Variants in MFHAS1 observed in about 807,000 individuals in gnomAD.
The protein encoded by MFHAS1 is multifunctional ROCO family signaling regulator 1, also known as malignant fibrous histiocytoma-amplified sequence 1.
Under a neutral mutation model 70.4 loss-of-function variants are expected in MFHAS1, and 50 were observed. The ratio of observed to expected loss-of-function variants is 0.71; its 90% CI spans 0.57 to 0.90. The LOEUF is 0.90. Among genes scored for constraint, MFHAS1 ranks in the 40% least tolerant of loss-of-function variants. MFHAS1 has a pLI of 0.00. For missense variants in MFHAS1, 1,795 were observed against 1,347.6 expected, an observed-to-expected ratio of 1.33 and a Z score of -5.20; for synonymous variants, 952 against 620.0, an observed-to-expected ratio of 1.54 and a Z score of -7.96.
intron 2 of MFHAS1, 132 bp downstream of exon 2, chr8:8,797,230 CAGA>C: frequency 1.1e-6 from 1 of 890,436 alleles, no homozygotes; most frequent in Admixed American, 3.2e-5. Context: ...TGATGTCATC[CAGA>C]AGAATTATGT....
At chr8:8,825,250 G>A (rs1035046722) in intron 1 of MFHAS1, among the ~76,000 whole-genome samples, 1 of 152,186 alleles carries the variant, frequency 6.6e-6, no homozygotes, top group African/African-American at 2.4e-5. Context: ...TCTGCTCACT[G>A]CAACCTCCGC....
rs1001738406 is a variant in MFHAS1 at position 8,807,488 on chromosome 8, C to T, written c.2999-9997G>A. On this transcript the variant is annotated intron_variant, in intron 1 of 2. Coordinates refer to ENST00000276282, the MANE Select transcript of MFHAS1 (RefSeq NM_004225.3). ...GAAAAAGCGTATAGCTTCTGTATCC[C>T]ACTGTGATTCCCTTTGAATGTTAAT... is the stretch of plus-strand genomic sequence containing the variant. Among the ~76,000 whole-genome samples the T allele has an allele frequency of 1.2e-4, 19 of 152,264 alleles. 1 individual carries two copies. Among genetic ancestry groups the T allele is most frequent in the African/African-American group, 3.6e-4 (15 of 41,544 alleles).
At chr8:8,889,723 G>A (rs149706849) in intron 1 of MFHAS1, among the ~76,000 whole-genome samples, 4 of 152,290 alleles carry the variant, frequency 2.6e-5, no homozygotes, top group Non-Finnish European at 5.9e-5. Flanking sequence ...GCTAACATCG[G>A]ACACTGTCCA....
chr8:8,793,808 C>T (rs182443790), intron 2 of MFHAS1, among the ~76,000 whole-genome samples: 34 of 152,362 alleles, frequency 2.2e-4, no homozygotes, highest in African/African-American at 7.7e-4. Context: ...ACACGTTAGA[C>T]TCATCTGGGT....
intron 1 of MFHAS1, among the ~76,000 whole-genome samples, chr8:8,863,178 AATCT>A (rs1364689307): frequency 1.1e-4 from 16 of 152,292 alleles, no homozygotes; most frequent in African/African-American, 3.8e-4. Context: ...CTGTTCCATC[AATCT>A]ATCTGTTTAT....
At chr8:8,877,997 C>T (rs561214455) in intron 1 of MFHAS1, among the ~76,000 whole-genome samples, 57 of 152,168 alleles carry the variant, frequency 3.7e-4, no homozygotes, top group Admixed American at 6.5e-4. Flanking sequence ...ACTTGAAATG[C>T]TCCACCCACC....
intron 1 of MFHAS1, among the ~76,000 whole-genome samples, chr8:8,842,634 A>G (rs556199029): frequency 6.6e-6 from 1 of 152,324 alleles, no homozygotes; most frequent in South Asian, 2.1e-4. Flanking sequence ...CAGCACCGGC[A>G]TCACCCAGGA....
chr8:8,890,989 G>A lies in MFHAS1; in HGVS notation c.2070C>T (p.Gly690=). ...WLSWWDSARL[G]LQAGLTEDRL... ...GGTCCTCGGTCAGACCCGCCTGCAG[G>A]CCCAAGCGCGCCGAGTCCCACCAGC... Residue 690 remains glycine (G), a synonymous_variant, in exon 1 of 3, where the codon GGC becomes GGT. Coordinates refer to ENST00000276282, the MANE Select transcript of MFHAS1 (RefSeq NM_004225.3). 1 of 1,613,940 alleles carries A rather than the reference G, an allele frequency of 6.2e-7. No individual in the cohort carries two copies. The highest frequency in any genetic ancestry group is 8.5e-7 in the Non-Finnish European group (1 of 1,179,986).
chr8:8,827,921 A>G (rs999477706), intron 1 of MFHAS1, among the ~76,000 whole-genome samples: 18 of 151,662 alleles, frequency 1.2e-4, no homozygotes, highest in Admixed American at 1.2e-3. Flanking sequence ...TTTTTAAGAG[A>G]CTTTCTTTGT....
At chr8:8,835,041 A>G (rs1169170859) in intron 1 of MFHAS1, among the ~76,000 whole-genome samples, 2 of 152,168 alleles carry the variant, frequency 1.3e-5, no homozygotes, top group Non-Finnish European at 2.9e-5. Flanking sequence ...AAACCTCTAA[A>G]CCAGACACAA....
chr8:8,864,140 G>C (rs1808772280), intron 1 of MFHAS1, among the ~76,000 whole-genome samples: 1 of 152,194 alleles, frequency 6.6e-6, no homozygotes, highest in Non-Finnish European at 1.5e-5. Flanking sequence ...CCCGATTAAA[G>C]CCTTCTTCCC....
In MFHAS1 at chr8:8,880,702, C is replaced by CCG. The variant is rs1382639657; in HGVS notation, c.2998+9358_2998+9359insCG. On this transcript the variant is annotated intron_variant, in intron 1 of 2. Coordinates refer to ENST00000276282, the MANE Select transcript of MFHAS1 (RefSeq NM_004225.3). Reference sequence around the variant, plus strand: ...CTTTTTTGTTTTTTTTTTTTTTCCCCCAGATGGAGTCTTGTTTTGTCGCCC... The same window carrying CCG: ...CTTTTTTGTTTTTTTTTTTTTTCCCCCGCAGATGGAGTCTTGTTTTGTCGCCC... Among the ~76,000 whole-genome samples the CCG allele has an allele frequency of 4.7e-5, 7 of 150,466 alleles. No homozygotes were observed. In the East Asian group the frequency reaches 1.2e-3, roughly 25 times the overall value.
intron 1 of MFHAS1, among the ~76,000 whole-genome samples, chr8:8,876,722 G>C (rs1030172992): frequency 1.3e-5 from 2 of 151,826 alleles, no homozygotes; most frequent in African/African-American, 2.4e-5. Flanking sequence ...AAGAGCATAA[G>C]GTGTTCATAT....
chr8:8,891,275 T>A lies in MFHAS1; in HGVS notation c.1784A>T (p.Tyr595Phe), dbSNP rs140782884. ...AAGGTTCTTGTCCGAAACGCCATAG[T>A]AGGCTGCGTGGGGGCTGGCAGAGCG... ...ELRSASPHAAYYGVSDKNLRR... is the reference protein window; with the variant it reads ...ELRSASPHAAFYGVSDKNLRR... Residue 595 changes from tyrosine (Y) to phenylalanine (F), a missense_variant, in exon 1 of 3, where the codon TAC becomes TTC. Transcript: ENST00000276282. The surrounding 1 kb of genome is among the most constrained non-coding windows in gnomAD (Gnocchi z 5.4). 1.9e-6 allele frequency: 3 copies of A among 1,612,068 alleles called. No homozygotes were observed. The highest frequency in any genetic ancestry group is 2.5e-6 in the Non-Finnish European group (3 of 1,180,012).
chr8:8,786,686 G>C (rs1046539967), intron 2 of MFHAS1, among the ~76,000 whole-genome samples: 18 of 133,310 alleles, frequency 1.4e-4, no homozygotes, highest in Admixed American at 5.9e-4. Flanking sequence ...ACATGTGATG[G>C]GATGTTTTTG....
chr8:8,794,742 C>G (rs1439646832), intron 2 of MFHAS1, among the ~76,000 whole-genome samples: 1 of 151,676 alleles, frequency 6.6e-6, no homozygotes, highest in Admixed American at 6.6e-5. Flanking sequence ...TTTTTTTTAA[C>G]CTCTTTCAAA....
intron 1 of MFHAS1, among the ~76,000 whole-genome samples, chr8:8,882,106 C>T (rs1309594041): frequency 1.3e-5 from 2 of 152,248 alleles, no homozygotes; most frequent in South Asian, 4.1e-4. Context: ...ACAGGCCGAG[C>T]ATGGTGGCTC....
intron 1 of MFHAS1, among the ~76,000 whole-genome samples, chr8:8,858,882 AT>A (rs1808554783): frequency 6.6e-6 from 1 of 152,240 alleles, no homozygotes; most frequent in Non-Finnish European, 1.5e-5. Flanking sequence ...AGGATAAAGC[AT>A]TCTCAGTCAA....
In MFHAS1 at chr8:8,890,908, C is replaced by T; in HGVS notation, c.2151G>A (p.Glu717=). 1.9e-6 allele frequency: 3 copies of T among 1,614,114 alleles called. No individual in the cohort carries two copies. The highest frequency in any genetic ancestry group is 2.5e-6 in the Non-Finnish European group (3 of 1,180,032). ...CGTGCTCCTTGAGAGCCGGACTGTC[C>T]TCAAAGTAGAGTAGCTTGCCGCTCT... ...LHESGKLLYF[E]DSPALKEHVF... is the part of the protein sequence containing the mutation. The change falls in exon 1 of 3, where the codon GAG becomes GAA. Residue 717 remains glutamate, a synonymous_variant. Transcript: ENST00000276282.
Sources: allele counts gnomAD v4.1 joint callset (sites outside exome capture counted in the v4.1 genomes callset), GRCh38; gene constraint gnomAD v4.1.1; non-coding constraint Gnocchi (gnomAD v3.1); transcripts MANE v1.5; gene names NCBI Gene and HGNC (gene_info 2026-07-23, HGNC 2026-07-21).